The following LRRC9 variants were observed in gnomAD, a reference collection of about 807,000 sequenced individuals.
LRRC9 encodes the protein leucine rich repeat containing 9, also known as leucine-rich repeat-containing protein 9.
Under a neutral mutation model 63.2 loss-of-function variants are expected in LRRC9, and 122 were observed. The observed-to-expected ratio is 1.93, with a 90% CI of 1.67 to 2.24. The LOEUF (loss-of-function observed/expected upper bound fraction) is 2.24. LRRC9 is among the 30% of genes most tolerant of loss of function. The pLI is 0.00. For missense variants in LRRC9, 1,071 were observed against 627.7 expected (o/e 1.71, Z -7.55); for synonymous variants, 366 against 213.1 (o/e 1.72, Z -6.25).
At chr14:60,037,981 T>C (rs915140964) in intron 29 of LRRC9, among the ~76,000 whole-genome samples, 2 of 152,252 alleles carry the variant, frequency 1.3e-5, no homozygotes, top group African/African-American at 4.8e-5. Context: ...GCTTTCTCCA[T>C]ATGGCCAGCC....
intron 29 of LRRC9, among the ~76,000 whole-genome samples, chr14:60,033,836 C>T (rs1274102767): frequency 6.6e-6 from 1 of 151,912 alleles, no homozygotes; most frequent in Admixed American, 6.6e-5. Context: ...TCATATTCTT[C>T]TGGAAGGATA....
At chr14:60,056,682 A>T (rs1162085806) in intron 30 of LRRC9, among the ~76,000 whole-genome samples, 1 of 152,184 alleles carries the variant, frequency 6.6e-6, no homozygotes, top group Non-Finnish European at 1.5e-5. Flanking sequence ...TTAGTAAAAT[A>T]AAGGGGGTAT....
chr14:60,033,914 C>A (rs892862195), intron 29 of LRRC9, among the ~76,000 whole-genome samples: 2 of 150,144 alleles, frequency 1.3e-5, no homozygotes, highest in Admixed American at 1.3e-4. Flanking sequence ...TACTTAAATT[C>A]TTTAATGGCT....
At chr14:59,949,471 A>G (rs1282770991) in intron 8 of LRRC9, among the ~76,000 whole-genome samples, 1 of 149,790 alleles carries the variant, frequency 6.7e-6, no homozygotes, top group Admixed American at 6.6e-5. Flanking sequence ...TCCTGGATTC[A>G]TTGATTTTTT....
chr14:60,016,784 C>A, exon 24 of LRRC9: 1 of 688,848 alleles, frequency 1.5e-6, no homozygotes, highest in South Asian at 1.5e-5. Flanking sequence ...ACTTCATCAT[C>A]TATTAGGTAC....
At chr14:59,947,401 A>G (rs1882569146) in intron 8 of LRRC9, among the ~76,000 whole-genome samples, 1 of 121,944 alleles carries the variant, frequency 8.2e-6, no homozygotes. Flanking sequence ...TAGATTCTGG[A>G]TATTAGCCCT....
At chr14:59,979,404 G>A (rs903257307) in intron 15 of LRRC9, among the ~76,000 whole-genome samples, 1 of 152,122 alleles carries the variant, frequency 6.6e-6, no homozygotes, top group Non-Finnish European at 1.5e-5. Flanking sequence ...GGATCATGAG[G>A]TCAGGGGATC....
intron 23 of LRRC9, 62 bp downstream of exon 23, chr14:60,008,276 A>G (rs1032513918): frequency 2.6e-5 from 15 of 580,608 alleles, no homozygotes; most frequent in African/African-American, 5.7e-5. Flanking sequence ...TTTATAGGAC[A>G]TAGTCATTTT....
Position 59,990,892 on chromosome 14 carries a change from A to G in LRRC9, c.2211+5668A>G, listed in dbSNP as rs1428130666. ...CCCTGACACTTCCTTCTTCTCCCAC[A>G]TGAATACCATGCAGGTCTTGTGTTG... On this transcript the variant is annotated intron_variant, in intron 17 of 31. Coordinates refer to ENST00000445360, the Ensembl canonical transcript of LRRC9. This position sits in a 1 kb window ranked among gnomAD's most constrained non-coding sequence, Gnocchi z 4.2. Among the ~76,000 whole-genome samples the G allele has an allele frequency of 6.6e-6, 1 of 152,234 alleles. No homozygotes were observed. The highest frequency in any genetic ancestry group is 1.5e-5 in the Non-Finnish European group (1 of 68,044).
intron 15 of LRRC9, among the ~76,000 whole-genome samples, chr14:59,979,832 G>T: frequency 8.3e-6 from 1 of 119,968 alleles, no homozygotes; most frequent in Non-Finnish European, 1.7e-5. Flanking sequence ...TGGGGGGAGG[G>T]GGAAGGGATA....
At chr14:59,987,833 G>C (rs867594754) in intron 17 of LRRC9, among the ~76,000 whole-genome samples, 5 of 152,280 alleles carry the variant, frequency 3.3e-5, no homozygotes, top group Middle Eastern at 3.4e-3. Context: ...CTTTTACAAA[G>C]AGACATTTCT....
Position 60,053,164 on chromosome 14 carries a change from G to C in LRRC9, c.4090G>C (p.Ala1364Pro), listed in dbSNP as rs1284974061. 2 of 701,106 alleles carry C rather than the reference G, an allele frequency of 2.9e-6. No individual in the cohort carries two copies. The highest frequency in any genetic ancestry group is 3.0e-5 in the South Asian group (2 of 67,172). The allele number at this position is 701,106 out of a possible 1,614,324, so 43.4% of individuals were successfully genotyped here. ...TGTGAATTCAGATGATAGGGCAAAA[G>C]CTGAATTTCACCTCGCTGAACTACA... Residue 1364 changes from alanine (A) to proline (P), a missense_variant, in exon 30 of 32, where the codon GCT (alanine) becomes CCT (proline). Physicochemically the swap from Ala to Pro is conservative, Grantham distance 27. Coordinates refer to ENST00000445360, the Ensembl canonical transcript of LRRC9. The surrounding 1 kb of genome is among the most constrained non-coding windows in gnomAD (Gnocchi z 4.8).
chr14:60,065,735 T>C (rs1003430095), downstream of LRRC9, among the ~76,000 whole-genome samples: 5 of 124,144 alleles, frequency 4.0e-5, no homozygotes, highest in Non-Finnish European at 7.3e-5. Context: ...ATTTATCCAG[T>C]AAAGTTATTA....
chr14:60,011,713 G>T (rs1302202093), intron 23 of LRRC9, among the ~76,000 whole-genome samples: 2 of 150,916 alleles, frequency 1.3e-5, no homozygotes, highest in African/African-American at 4.8e-5. Context: ...GCAAGGTAAT[G>T]GGAATGCATT....
intron 26 of LRRC9, 36 bp from the exon 27 acceptor site, chr14:60,022,698 T>G: frequency 1.8e-6 from 1 of 540,842 alleles, no homozygotes; most frequent in East Asian, 3.1e-5. Context: ...GGTTTGAAGT[T>G]AAGTTTATGG....
chr14:59,965,061 G>C, intron 10 of LRRC9, among the ~76,000 whole-genome samples: 1 of 152,168 alleles, frequency 6.6e-6, no homozygotes, highest in East Asian at 1.9e-4. Context: ...ATGTAGGTGA[G>C]GACCTAGATC....
At chr14:59,929,414 CA>C (rs200248895) in intron 3 of LRRC9, among the ~76,000 whole-genome samples, 134 of 148,536 alleles carry the variant, frequency 9.0e-4, no homozygotes, top group Non-Finnish European at 1.5e-3. Flanking sequence ...ATTAAAAAGT[CA>C]AAAAAAAAAT....
In LRRC9 at chr14:59,958,395, G is replaced by T. The variant is rs772472996; in HGVS notation, c.883-1423G>T. The stretch of plus-strand genomic sequence containing the variant: ...CTGACCACAGCTGCTTTGCCACCGG[G>T]CCCAGACCTCCCAAACTCCTTAGCA... On this transcript the variant is annotated intron_variant, in intron 8 of 31. Coordinates refer to ENST00000445360, the Ensembl canonical transcript of LRRC9. This position sits in a 1 kb window ranked among gnomAD's most constrained non-coding sequence, Gnocchi z 4.0. Among the ~76,000 whole-genome samples, 4 of 152,172 alleles carry T rather than the reference G, an allele frequency of 2.6e-5. No homozygotes were observed. Among genetic ancestry groups the T allele is most frequent in the Non-Finnish European group, 1.5e-5 (1 of 68,028 alleles).
Position 60,006,395 on chromosome 14 carries a change from AG to A in LRRC9, c.2843del, listed in dbSNP as rs1327644870. ...TTTTCTTGAATTTGCTTATTTTTCT[AG>A]GTATTTCCAAGATGACTAAATTAAC... On this transcript the variant is annotated splice_acceptor_variant, in intron 21 of 31. Coordinates refer to ENST00000445360, the Ensembl canonical transcript of LRRC9. LOFTEE classifies it high-confidence loss of function. 1.5e-6 allele frequency: 1 copy of A among 681,318 alleles called. No individual in the cohort carries two copies. Among genetic ancestry groups the A allele is most frequent in the Non-Finnish European group, 2.7e-6 (1 of 377,004 alleles). 42.2% of individuals were successfully genotyped at this position (681,318 alleles called of 1,614,324 possible). A position where few individuals can be genotyped will look rare whatever the true frequency, so the allele number is the denominator to read the frequency against.
Sources: allele counts gnomAD v4.1 joint callset (sites outside exome capture counted in the v4.1 genomes callset), GRCh38; gene constraint gnomAD v4.1.1; non-coding constraint Gnocchi (gnomAD v3.1); transcripts MANE v1.5; gene names NCBI Gene and HGNC (gene_info 2026-07-23, HGNC 2026-07-21).